Variants in CMC1 observed in about 807,000 individuals in gnomAD.
CMC1 encodes the protein COX assembly mitochondrial protein homolog.
A neutral mutation model predicts 14.1 loss-of-function variants in CMC1; 14 were observed. The ratio of observed to expected loss-of-function variants is 0.99; its 90% CI spans 0.66 to 1.55. The LOEUF is 1.55. CMC1 is among the 40% of genes most tolerant of loss of function. The probability of loss-of-function intolerance (pLI) is 0.00; values close to 1 mark genes in which losing one functional copy is unlikely to be tolerated. For synonymous variants in CMC1, 50 were observed against 38.4 expected, an observed-to-expected ratio of 1.30 and a Z score of -1.12; for missense variants, 127 against 123.8, an observed-to-expected ratio of 1.03 and a Z score of -0.12.
Position 28,324,496 on chromosome 3 carries a change from T to C in CMC1, c.*4867T>C. ...GACTAAATGTCAGTTTTCATTACAT[T>C]TGTGATCATAAAATTCGATAACACT... On this transcript the variant is annotated 3_prime_UTR_variant, in exon 4 of 4. Transcript: ENST00000466830. 1 of 1,402,404 alleles carries C rather than the reference T, an allele frequency of 7.1e-7. No individual in the cohort carries two copies. Among genetic ancestry groups the C allele is most frequent in the Non-Finnish European group, 9.4e-7 (1 of 1,066,098 alleles). 86.9% of individuals were successfully genotyped at this position (1,402,404 alleles called of 1,614,324 possible).
At position 28,309,941 on chromosome 3, in the gene CMC1, C is replaced by CCACACA. The variant is rs57007112; in HGVS notation, c.110-6348_110-6343dup. ...CCTTTTCTCCTCCACCTGACGTCCACCACACACACACACACACACACACAC... is the reference window on the plus strand; with the variant it reads ...CCTTTTCTCCTCCACCTGACGTCCACCACACACACACACACACACACACACACACAC... On this transcript the variant is annotated intron_variant, in intron 2 of 3. Transcript: ENST00000466830. Among the ~76,000 whole-genome samples, 320 of 132,564 alleles carry CCACACA rather than the reference C, an allele frequency of 2.4e-3. 2 individuals carry two copies. The highest frequency in any genetic ancestry group is 3.9e-3 in the Middle Eastern group (1 of 254). The allele number at this position is 132,564 out of a possible 152,430, so 87.0% of individuals were successfully genotyped here.
chr3:28,324,604 A>G lies in CMC1; in HGVS notation c.*4975A>G. On this transcript the variant is annotated 3_prime_UTR_variant, in exon 4 of 4. Transcript: ENST00000466830. ...CATTGAGGCACTGTGACTAGGAGAT[A>G]AATGACAGATGATCTGAGTTTTAAT... is the stretch of plus-strand genomic sequence containing the variant. 1 of 600,314 alleles carries G rather than the reference A, an allele frequency of 1.7e-6. No individual in the cohort carries two copies. Among genetic ancestry groups the G allele is most frequent in the Non-Finnish European group, 2.5e-6 (1 of 396,102 alleles). The allele number at this position is 600,314 out of a possible 1,614,324, so 37.2% of individuals were successfully genotyped here.
In CMC1 at chr3:28,241,712, C is replaced by T. The variant is rs574006532; in HGVS notation, c.-82C>T. ...AGCTCCCGGGGGTCGCACGTGCGTC[C>T]GAGCCCAAGCCCCTCCCCTCCACTC... On this transcript the variant is annotated 5_prime_UTR_variant, in exon 1 of 4. Coordinates refer to ENST00000466830, the MANE Select transcript of CMC1 (RefSeq NM_182523.2). The T allele has an allele frequency of 1.5e-5, 19 of 1,238,548 alleles. 1 individual carries two copies. In the South Asian group the frequency reaches 6.2e-4, roughly 40 times the overall value. 76.7% of individuals were successfully genotyped at this position (1,238,548 alleles called of 1,614,324 possible). A position where few individuals can be genotyped will look rare whatever the true frequency, so the allele number is the denominator to read the frequency against.
intron 2 of CMC1, among the ~76,000 whole-genome samples, chr3:28,299,281 A>T (rs1701900743): frequency 6.6e-6 from 1 of 152,118 alleles, no homozygotes. Flanking sequence ...TTCTATTGTA[A>T]TTTAAAAGTA....
At position 28,275,761 on chromosome 3, in the gene CMC1, C is replaced by T. The variant is rs532148144; in HGVS notation, c.109+12381C>T. ...AGGAGATCGTAGCCGCCCTTGCCCC[C>T]AGGGTCTCCATCCCAGGGAGATCAG... is the stretch of plus-strand genomic sequence containing the variant. On this transcript the variant is annotated intron_variant, in intron 2 of 3. Coordinates refer to ENST00000466830, the MANE Select transcript of CMC1 (RefSeq NM_182523.2). Among the ~76,000 whole-genome samples, 437 of 152,264 alleles carry T rather than the reference C, an allele frequency of 2.9e-3. 1 individual carries two copies. The highest frequency in any genetic ancestry group is 4.9e-3 in the Non-Finnish European group (336 of 68,018).
chr3:28,290,963 C>A (rs1187573734), intron 2 of CMC1, among the ~76,000 whole-genome samples: 3 of 151,964 alleles, frequency 2.0e-5, no homozygotes, highest in Non-Finnish European at 2.9e-5. Context: ...CATCTGAAAC[C>A]TTGACTGGGG....
At chr3:28,259,907 T>C (rs1699644533) in intron 1 of CMC1, among the ~76,000 whole-genome samples, 1 of 152,172 alleles carries the variant, frequency 6.6e-6, no homozygotes, top group Non-Finnish European at 1.5e-5. Flanking sequence ...TCTTTTTTTA[T>C]AGGGAAAGCG....
intron 2 of CMC1, among the ~76,000 whole-genome samples, chr3:28,279,084 A>T (rs758104967): frequency 2.6e-5 from 4 of 152,204 alleles, no homozygotes; most frequent in Non-Finnish European, 4.4e-5. Context: ...AACTACTATA[A>T]CCTATGAACA....
chr3:28,319,251 C>T (rs771157236), intron 3 of CMC1: 7 of 518,762 alleles, frequency 1.3e-5, no homozygotes, highest in South Asian at 1.1e-4. Flanking sequence ...CTTTACTTGT[C>T]CTTTACACCG....
chr3:28,298,738 C>T (rs1159064486), intron 2 of CMC1, among the ~76,000 whole-genome samples: 1 of 151,922 alleles, frequency 6.6e-6, no homozygotes, highest in African/African-American at 2.4e-5. Context: ...ACATCTATTT[C>T]ATGTTCTGTT....
At chr3:28,277,210 G>A (rs1261681982) in intron 2 of CMC1, among the ~76,000 whole-genome samples, 4 of 152,094 alleles carry the variant, frequency 2.6e-5, no homozygotes, top group Non-Finnish European at 5.9e-5. Context: ...TTTATTCTGA[G>A]GCCCATAAAC....
chr3:28,278,429 A>G (rs748631402), intron 2 of CMC1, among the ~76,000 whole-genome samples: 4 of 152,204 alleles, frequency 2.6e-5, no homozygotes, highest in Non-Finnish European at 5.9e-5. Context: ...AAGGAGTAGA[A>G]TGTTTGTACA....
At chr3:28,271,992 A>G (rs1450974350) in intron 2 of CMC1, among the ~76,000 whole-genome samples, 1 of 152,072 alleles carries the variant, frequency 6.6e-6, no homozygotes, top group Non-Finnish European at 1.5e-5. Context: ...GCAATTATGA[A>G]TGGGAGTTCA....
chr3:28,241,755 G>A lies in CMC1; in HGVS notation c.-39G>A. 1 of 1,241,822 alleles carries A rather than the reference G, an allele frequency of 8.1e-7. No homozygotes were observed. Among genetic ancestry groups the A allele is most frequent in the Non-Finnish European group, 1.0e-6 (1 of 988,088 alleles). The allele number at this position is 1,241,822 out of a possible 1,614,324, so 76.9% of individuals were successfully genotyped here. On this transcript the variant is annotated 5_prime_UTR_variant, in exon 1 of 4. Transcript: ENST00000466830. ...CTCCACTCCCCTTCCTGCGTGCCCC[G>A]GAGCCGCCAAGCGGCTACGTTCTTC... is the stretch of plus-strand genomic sequence containing the variant.
At chr3:28,285,490 A>G (rs73822567) in intron 2 of CMC1, among the ~76,000 whole-genome samples, 149 of 152,178 alleles carry the variant, frequency 9.8e-4, no homozygotes, top group African/African-American at 3.5e-3. Flanking sequence ...ACATAAGGGT[A>G]CAGAGAGTGG....
At chr3:28,269,529 C>G (rs35217335) in intron 2 of CMC1, among the ~76,000 whole-genome samples, 27,968 of 151,518 alleles carry the variant, frequency 0.18, 3,123 homozygotes, top group Middle Eastern at 0.27. Context: ...TGGTGGTTTG[C>G]TGCACCTATC....
At chr3:28,305,117 A>G (rs1345600102) in intron 2 of CMC1, among the ~76,000 whole-genome samples, 4 of 151,996 alleles carry the variant, frequency 2.6e-5, no homozygotes, top group African/African-American at 4.8e-5. Flanking sequence ...CCCAGTATCT[A>G]TAATTTATAT....
intron 2 of CMC1, among the ~76,000 whole-genome samples, chr3:28,302,480 A>G (rs941827888): frequency 9.9e-5 from 15 of 152,284 alleles, no homozygotes; most frequent in African/African-American, 3.6e-4. Flanking sequence ...TGATCTTTTA[A>G]AAAAGATAGA....
chr3:28,309,846 C>A (rs1354044757), intron 2 of CMC1, among the ~76,000 whole-genome samples: 1 of 145,946 alleles, frequency 6.9e-6, no homozygotes, highest in Admixed American at 6.7e-5. Flanking sequence ...CACACACACA[C>A]ACACACACAC....
Sources: gnomAD v4.1 joint callset for allele counts (sites outside exome capture counted in the v4.1 genomes callset) on GRCh38, gnomAD v4.1.1 for gene constraint, MANE v1.5 for transcripts, NCBI Gene and HGNC (gene_info 2026-07-23, HGNC 2026-07-21) for gene names.